CD44: variants seen among roughly 807,000 people sequenced by gnomAD.
CD44 encodes the protein CD44 antigen.
Under a neutral mutation model 88.8 loss-of-function variants are expected in CD44, and 49 were observed. That is an observed-to-expected ratio of 0.55 (90% CI 0.44 to 0.70). The LOEUF is 0.70. Among genes scored for constraint, CD44 ranks in the 30% least tolerant of loss-of-function variants. CD44 has a pLI of 0.00. For missense variants in CD44, 883 were observed against 913.8 expected (o/e 0.97, Z 0.43); for synonymous variants, 325 against 312.3 (o/e 1.04, Z -0.43).
chr11:35,204,829 G>C (rs1947674269), intron 10 of CD44, 189 bp downstream of exon 10: 1 of 542,302 alleles, frequency 1.8e-6, no homozygotes, highest in Non-Finnish European at 3.3e-6. Flanking sequence ...GAACAGGAAT[G>C]GATACAAGCC....
chr11:35,174,039 G>T (rs963296721), intron 1 of CD44, among the ~76,000 whole-genome samples: 2 of 152,152 alleles, frequency 1.3e-5, no homozygotes, highest in Non-Finnish European at 2.9e-5. Flanking sequence ...CACCTTTCAG[G>T]TTTCTGAAGA....
At chr11:35,182,537 C>T (rs767467111) in intron 3 of CD44, among the ~76,000 whole-genome samples, 51 of 152,134 alleles carry the variant, frequency 3.4e-4, no homozygotes, top group Non-Finnish European at 5.9e-4. Flanking sequence ...AAGTAGTACA[C>T]GACTCATACA....
chr11:35,203,910 AT>A (rs1200153968), intron 9 of CD44, among the ~76,000 whole-genome samples: 1 of 152,224 alleles, frequency 6.6e-6, no homozygotes, highest in Non-Finnish European at 1.5e-5. Context: ...AACTGAATTA[AT>A]TTTGTTAAAA....
intron 1 of CD44, among the ~76,000 whole-genome samples, chr11:35,142,845 A>AT (rs1858268084): frequency 6.6e-6 from 1 of 152,162 alleles, no homozygotes; most frequent in Non-Finnish European, 1.5e-5. Context: ...TTCAGGAACT[A>AT]TTTCCTGACT....
chr11:35,229,360 A>G lies in CD44; in HGVS notation c.*27A>G. On this transcript the variant is annotated 3_prime_UTR_variant, in exon 18 of 18. Coordinates refer to ENST00000428726, the MANE Select transcript of CD44 (RefSeq NM_000610.4). ...ACCTACACCATTATCTTGGAAAGAA[A>G]CAACCGTTGGAAACATAACCATTAC... 2.7e-6 allele frequency: 4 copies of G among 1,475,758 alleles called. No individual in the cohort carries two copies. Among genetic ancestry groups the G allele is most frequent in the Non-Finnish European group, 3.8e-6 (4 of 1,056,726 alleles). 91.4% of individuals were successfully genotyped at this position (1,475,758 alleles called of 1,614,324 possible). A position where few individuals can be genotyped will look rare whatever the true frequency, so the allele number is the denominator to read the frequency against.
chr11:35,166,937 T>C (rs1943340957), intron 1 of CD44, among the ~76,000 whole-genome samples: 1 of 152,214 alleles, frequency 6.6e-6, no homozygotes, highest in South Asian at 2.1e-4. Context: ...AAGTGGATGC[T>C]AAACAATACA....
At chr11:35,204,442 A>T in intron 9 of CD44, 70 bp from the exon 10 acceptor site, 2 of 1,509,494 alleles carry the variant, frequency 1.3e-6, no homozygotes, top group Admixed American at 3.5e-5. Context: ...CTTAAAGTAG[A>T]AAGATATGTT....
chr11:35,159,450 T>C (rs1454826792), intron 1 of CD44, among the ~76,000 whole-genome samples: 1 of 152,204 alleles, frequency 6.6e-6, no homozygotes, highest in Admixed American at 6.5e-5. Context: ...ATTATCAAAG[T>C]GCAGATGATT....
intron 14 of CD44, among the ~76,000 whole-genome samples, chr11:35,212,138 T>G (rs1333431214): frequency 6.6e-6 from 1 of 152,120 alleles, no homozygotes; most frequent in Non-Finnish European, 1.5e-5. Flanking sequence ...AAATAAGTAG[T>G]CATCTCTGCT....
chr11:35,214,839 T>C lies in CD44; in HGVS notation c.1811-13T>C, dbSNP rs115424391. The C allele has an allele frequency of 2.4e-3, 3,539 of 1,503,378 alleles. 80 individuals are homozygous for C. The African/African-American group carries it at 0.044, about 19-fold the overall frequency. The allele number at this position is 1,503,378 out of a possible 1,614,324, so 93.1% of individuals were successfully genotyped here. A position where few individuals can be genotyped will look rare whatever the true frequency, so the allele number is the denominator to read the frequency against. ...AAACATGCAGTACTGACCTTCCTGA[T>C]TGCTCATTACAGGAGACCAAGACAC... On this transcript the variant is annotated splice_polypyrimidine_tract_variant and intron_variant, in intron 14 of 17. Coordinates refer to ENST00000428726, the MANE Select transcript of CD44 (RefSeq NM_000610.4).
At chr11:35,170,384 C>T (rs926739402) in intron 1 of CD44, among the ~76,000 whole-genome samples, 1 of 152,198 alleles carries the variant, frequency 6.6e-6, no homozygotes, top group African/African-American at 2.4e-5. Context: ...CCCTAGCAGA[C>T]CTCTTCCCAT....
intron 17 of CD44, chr11:35,222,668 C>A: frequency 3.4e-6 from 3 of 881,922 alleles, no homozygotes; most frequent in Non-Finnish European, 4.1e-6. Context: ...AGGAAATGAC[C>A]TTTAACAGGG....
chr11:35,224,844 C>T (rs1252647285), intron 17 of CD44, among the ~76,000 whole-genome samples: 1 of 152,170 alleles, frequency 6.6e-6, no homozygotes, highest in African/African-American at 2.4e-5. Flanking sequence ...TGTTCATCAG[C>T]CTTCACTTTA....
chr11:35,162,462 A>G lies in CD44; in HGVS notation c.68-14113A>G, dbSNP rs1294454949. Among the ~76,000 whole-genome samples, 10 of 152,320 alleles carry G rather than the reference A, an allele frequency of 6.6e-5. No individual in the cohort carries two copies. In the South Asian group the frequency reaches 1.0e-3, roughly 16 times the overall value. ...GATCTTTGCATGGATCATGCTCCTT[A>G]AAAGAAGGAAGTTATGTTTGGCCTG... On this transcript the variant is annotated intron_variant, in intron 1 of 17. Transcript: ENST00000428726.
At chr11:35,187,006 C>T in intron 4 of CD44, 106 bp downstream of exon 4, 1 of 733,650 alleles carries the variant, frequency 1.4e-6, no homozygotes, top group Non-Finnish European at 2.5e-6. Flanking sequence ...GGTGTGGTGG[C>T]TCACTCCTGT....
intron 1 of CD44, among the ~76,000 whole-genome samples, chr11:35,142,255 G>A (rs1858136233): frequency 6.6e-6 from 1 of 151,942 alleles, no homozygotes; most frequent in South Asian, 2.1e-4. Flanking sequence ...GATTCCTCAG[G>A]GATCTAGAAC....
chr11:35,155,729 C>T (rs533016511), intron 1 of CD44, among the ~76,000 whole-genome samples: 13 of 152,212 alleles, frequency 8.5e-5, no homozygotes, highest in East Asian at 5.8e-4. Flanking sequence ...GCATGAGGAC[C>T]GCTGCTCTAG....
intron 14 of CD44, chr11:35,214,577 G>T (rs998346025): frequency 3.0e-6 from 1 of 332,992 alleles, no homozygotes; most frequent in Non-Finnish European, 5.4e-6. Flanking sequence ...CCAAAACAAA[G>T]TTTCTACAAA....
intron 1 of CD44, among the ~76,000 whole-genome samples, chr11:35,149,554 T>A (rs1470204391): frequency 6.6e-6 from 1 of 152,236 alleles, no homozygotes; most frequent in South Asian, 2.1e-4. Context: ...TTTTAGCTTC[T>A]CTCTATTACT....
Sources: gnomAD v4.1 joint callset for allele counts (sites outside exome capture counted in the v4.1 genomes callset) on GRCh38, gnomAD v4.1.1 for gene constraint, MANE v1.5 for transcripts, NCBI Gene and HGNC (gene_info 2026-07-23, HGNC 2026-07-21) for gene names.